Variants in CD3E observed in about 807,000 individuals in gnomAD.
The protein encoded by CD3E is CD3 epsilon subunit of T-cell receptor complex.
Under a neutral mutation model 34.7 loss-of-function variants are expected in CD3E, and 16 were observed. The ratio of observed to expected loss-of-function variants is 0.46; its 90% CI spans 0.31 to 0.70. CD3E has a LOEUF of 0.70. Among genes scored for constraint, CD3E ranks in the 30% least tolerant of loss-of-function variants. The pLI is 0.05. For missense variants in CD3E, 223 were observed against 253.9 expected (o/e 0.88, Z 0.83); for synonymous variants, 70 against 90.8 (o/e 0.77, Z 1.30).
intron 8 of CD3E, 29 bp from the exon 9 acceptor site, chr11:118,315,457 T>C (rs1948160765): frequency 1.9e-6 from 3 of 1,606,262 alleles, no homozygotes; most frequent in African/African-American, 2.7e-5. Flanking sequence ...CCCGCACCAC[T>C]GACCGCCCCC....
rs1202006452 is a variant in CD3E, at chr11:118,307,700, TG to T, written c.70+393del. Among the ~76,000 whole-genome samples the T allele has an allele frequency of 3.3e-5, 5 of 152,348 alleles. No homozygotes were observed. In the South Asian group the frequency reaches 1.0e-3, roughly 32 times the overall value. ...GGATGTGTGTTCAGAATCACATGTC[TG>T]AATACTCTGAATATATGTGTGTACA... On this transcript the variant is annotated intron_variant, in intron 3 of 8. Coordinates refer to ENST00000361763, the MANE Select transcript of CD3E (RefSeq NM_000733.4).
At chr11:118,312,487 C>A in intron 5 of CD3E, 131 bp from the exon 6 acceptor site, 1 of 1,061,648 alleles carries the variant, frequency 9.4e-7, no homozygotes, top group Non-Finnish European at 1.5e-6. Flanking sequence ...CAGTAGAGCT[C>A]CCTTCTGACA....
intron 2 of CD3E, among the ~76,000 whole-genome samples, chr11:118,306,663 T>G (rs1304762613): frequency 6.6e-6 from 1 of 151,962 alleles, no homozygotes; most frequent in East Asian, 1.9e-4. Flanking sequence ...GGCCTAGGTG[T>G]GCAGAAAGCT....
chr11:118,314,840 G>A (rs553531283), intron 8 of CD3E, among the ~76,000 whole-genome samples: 39 of 152,126 alleles, frequency 2.6e-4, no homozygotes, highest in Admixed American at 1.8e-3. Flanking sequence ...CACCAGTATA[G>A]CGAGTTATTG....
intron 2 of CD3E, among the ~76,000 whole-genome samples, chr11:118,305,894 G>A (rs1948102690): frequency 6.6e-6 from 1 of 152,272 alleles, no homozygotes; most frequent in Admixed American, 6.5e-5. Context: ...CACAGCTGGT[G>A]CTCCCGTCTC....
rs746750290 is a variant in CD3E at position 118,313,834 on chromosome 11, G to A, written c.480G>A (p.Lys160=). 4.3e-6 allele frequency: 7 copies of A among 1,613,916 alleles called. No individual in the cohort carries two copies. Among genetic ancestry groups the A allele is most frequent in the African/African-American group, 1.3e-5 (1 of 74,922 alleles). ...GCAAGAATAGAAAGGCCAAGGCCAA[G>A]CCTGTGACACGAGGAGCGGGTGCTG... ...YWSKNRKAKA[K]PVTRGAGAGG... The change falls in exon 7 of 9, where the codon AAG becomes AAA. Residue 160 remains lysine, a synonymous_variant. Transcript: ENST00000361763.
chr11:118,308,102 G>T (rs1948117662), intron 3 of CD3E, among the ~76,000 whole-genome samples: 1 of 151,918 alleles, frequency 6.6e-6, no homozygotes, highest in Admixed American at 6.6e-5. Context: ...CTGGGAGGCA[G>T]AGGTTGTAGT....
intron 4 of CD3E, among the ~76,000 whole-genome samples, chr11:118,310,362 G>A (rs1346114761): frequency 6.6e-6 from 1 of 152,174 alleles, no homozygotes; most frequent in Non-Finnish European, 1.5e-5. Context: ...ACTTCTAAAT[G>A]AGAACATGTG....
At chr11:118,314,862 T>G (rs1948156885) in intron 8 of CD3E, among the ~76,000 whole-genome samples, 1 of 151,970 alleles carries the variant, frequency 6.6e-6, no homozygotes, top group Non-Finnish European at 1.5e-5. Context: ...AATATTAAAA[T>G]TATATAAATA....
rs745878463 is a variant in CD3E, at chr11:118,312,787, G to A, written c.273G>A (p.Glu91=). The change falls in exon 6 of 9, where the codon GAG becomes GAA. Residue 91 remains glutamate, a synonymous_variant. Transcript: ENST00000361763. ...HLSLKEFSEL[E]QSGYYVCYPR... ...CACTGAAGGAATTTTCAGAATTGGAGCAAAGTGGTTATTATGTCTGCTACC... is the reference window on the plus strand; with the variant it reads ...CACTGAAGGAATTTTCAGAATTGGAACAAAGTGGTTATTATGTCTGCTACC... The A allele has an allele frequency of 1.2e-6, 2 of 1,614,206 alleles. No individual in the cohort carries two copies. Among genetic ancestry groups the A allele is most frequent in the South Asian group, 2.2e-5 (2 of 91,088 alleles).
Position 118,314,465 on chromosome 11 carries a change from C to T in CD3E, c.538C>T (p.Pro180Ser), listed in dbSNP as rs143300883. The change falls in exon 8 of 9, where the codon CCA (proline) becomes TCA (serine). Residue 180 changes from proline (P) to serine (S), a missense_variant. Transcript: ENST00000361763. ...GRQRGQNKER[P>S]PPVPNPDYEP... ...CTCCGCAGGACAAAACAAGGAGAGGCCACCACCTGTTCCCAACCCAGACTA... is the reference window on the plus strand; with the variant it reads ...CTCCGCAGGACAAAACAAGGAGAGGTCACCACCTGTTCCCAACCCAGACTA... 6.2e-7 allele frequency: 1 copy of T among 1,613,994 alleles called. No homozygotes were observed. The highest frequency in any genetic ancestry group is 8.5e-7 in the Non-Finnish European group (1 of 1,179,912).
At chr11:118,311,381 G>A (rs115553334) in intron 4 of CD3E, among the ~76,000 whole-genome samples, 1,677 of 152,282 alleles carry the variant, frequency 0.011, 30 homozygotes, top group African/African-American at 0.039. Flanking sequence ...CTGGACCTAC[G>A]AATGGCATTA....
At chr11:118,305,154 A>T (rs1948098839) in intron 2 of CD3E, among the ~76,000 whole-genome samples, 153 bp downstream of exon 2, 2 of 152,228 alleles carry the variant, frequency 1.3e-5, no homozygotes, top group South Asian at 4.1e-4. Flanking sequence ...AGAGCTGGGG[A>T]CTAAAGAAAA....
chr11:118,308,393 C>G, intron 3 of CD3E, 34 bp from the exon 4 acceptor site: 2 of 1,568,810 alleles, frequency 1.3e-6, no homozygotes, highest in Non-Finnish European at 1.8e-6. Flanking sequence ...CCGATAGAAA[C>G]ATTACTAATG....
intron 2 of CD3E, among the ~76,000 whole-genome samples, chr11:118,307,026 C>T (rs1480454018): frequency 6.6e-6 from 1 of 152,056 alleles, no homozygotes; most frequent in Non-Finnish European, 1.5e-5. Context: ...TTTCTGACTC[C>T]TGCTTGTCAA....
chr11:118,310,283 C>T (rs1049773385), intron 4 of CD3E, among the ~76,000 whole-genome samples: 2 of 152,208 alleles, frequency 1.3e-5, no homozygotes, highest in Admixed American at 6.5e-5. Flanking sequence ...CTCCCACCCT[C>T]CACCTTCTGA....
chr11:118,311,654 G>A (rs182440441), intron 4 of CD3E, among the ~76,000 whole-genome samples: 54 of 152,344 alleles, frequency 3.5e-4, no homozygotes, highest in Admixed American at 9.8e-4. Context: ...AAATAGGTAA[G>A]TCCACGAATC....
rs200193595 is a variant in CD3E at position 118,313,741 on chromosome 11, G to A, written c.387G>A (p.Ser129=). 6.5e-5 allele frequency: 105 copies of A among 1,614,072 alleles called. 1 individual carries two copies. The South Asian group carries it at 9.0e-4, about 14-fold the overall frequency. Residue 129 remains serine (S), a synonymous_variant, in exon 7 of 9, where the codon TCG becomes TCA. Transcript: ENST00000361763. ...CENCMEMDVM[S]VATIVIVDIC... is the part of the protein sequence containing the mutation. ...ACTGCATGGAGATGGATGTGATGTC[G>A]GTGGCCACAATTGTCATAGTGGACA...
At position 118,304,943 on chromosome 11, in the gene CD3E, T is replaced by C; in HGVS notation, c.-10T>C. On this transcript the variant is annotated 5_prime_UTR_variant, in exon 2 of 9. It removes an upstream start codon present in the reference 5' UTR. Coordinates refer to ENST00000361763, the MANE Select transcript of CD3E (RefSeq NM_000733.4). ...CCATCTTAGTAAAGTAACAGTCCCA[T>C]GAAACAAAGATGCAGTCGGGCACTC... 6.2e-7 allele frequency: 1 copy of C among 1,613,752 alleles called. No homozygotes were observed. Among genetic ancestry groups the C allele is most frequent in the East Asian group, 2.2e-5 (1 of 44,878 alleles).
Sources: gnomAD v4.1 joint callset for allele counts (sites outside exome capture counted in the v4.1 genomes callset) on GRCh38, gnomAD v4.1.1 for gene constraint, MANE v1.5 for transcripts, NCBI Gene and HGNC (gene_info 2026-07-23, HGNC 2026-07-21) for gene names.